Variants in TUT4 observed in about 807,000 individuals in gnomAD.
The protein encoded by TUT4 is terminal uridylyl transferase 4.
TUT4 carries 36 observed loss-of-function variants against 192.2 expected under a neutral mutation model. The observed-to-expected ratio is 0.19, with a 90% CI of 0.14 to 0.25. The LOEUF (loss-of-function observed/expected upper bound fraction) is 0.25, where lower values mean the gene tolerates loss of function less well. Ranked by LOEUF, TUT4 falls within the 10% of genes least tolerant of loss-of-function variation. TUT4 has a pLI of 1.00. For missense variants in TUT4, 1,493 were observed against 1,957.2 expected, an observed-to-expected ratio of 0.76 and a Z score of 4.47; for synonymous variants, 618 against 666.0, an observed-to-expected ratio of 0.93 and a Z score of 1.11.
In TUT4 at chr1:52,475,421, T is replaced by G. The variant is rs750684093; in HGVS notation, c.2138A>C (p.Lys713Thr). 2 of 1,614,142 alleles carry G rather than the reference T, an allele frequency of 1.2e-6. No individual in the cohort carries two copies. The highest frequency in any genetic ancestry group is 1.7e-6 in the Non-Finnish European group (2 of 1,180,052). Residue 713 changes from lysine (K) to threonine (T), a missense_variant, in exon 13 of 30, where the codon AAG (lysine) becomes ACG (threonine). Lys to Thr is a moderately conservative substitution (Grantham distance 78). Transcript: ENST00000257177. ...AYRYFACPQTKGGNKSTVDFK... is the reference protein window; with the variant it reads ...AYRYFACPQTTGGNKSTVDFK... ...ATCCACTGTAGACTTATTTCCACCC[T>G]TCGTCTGAGGACAGGCAAAATACCG...
At chr1:52,525,015 C>T (rs1189116735) in intron 2 of TUT4, among the ~76,000 whole-genome samples, 1 of 152,112 alleles carries the variant, frequency 6.6e-6, no homozygotes, top group African/African-American at 2.4e-5. Flanking sequence ...TTTGTCTGCC[C>T]AAAGTCTAAA....
intron 1 of TUT4, among the ~76,000 whole-genome samples, chr1:52,548,358 A>C (rs185830968): frequency 6.6e-6 from 1 of 152,222 alleles, no homozygotes; most frequent in Non-Finnish European, 1.5e-5. Context: ...GTCATTCTCT[A>C]TAATTCATAC....
At chr1:52,497,456 T>G (rs1672739583) in intron 4 of TUT4, among the ~76,000 whole-genome samples, 1 of 152,200 alleles carries the variant, frequency 6.6e-6, no homozygotes, top group African/African-American at 2.4e-5. Context: ...AATGCTACAT[T>G]AAAGCCAAGG....
At chr1:52,439,635 T>C (rs983952437) in intron 24 of TUT4, among the ~76,000 whole-genome samples, 1 of 152,110 alleles carries the variant, frequency 6.6e-6, no homozygotes, top group Non-Finnish European at 1.5e-5. Context: ...ATAACAAGTA[T>C]TGGTGAGGAT....
chr1:52,544,192 G>A (rs1348149893), intron 1 of TUT4, among the ~76,000 whole-genome samples: 3 of 151,978 alleles, frequency 2.0e-5, no homozygotes, highest in Admixed American at 2.0e-4. Flanking sequence ...GGAGGCTGAG[G>A]CAGGAGAATG....
chr1:52,544,681 G>C (rs1486722771), intron 1 of TUT4, among the ~76,000 whole-genome samples: 3 of 152,116 alleles, frequency 2.0e-5, no homozygotes, highest in African/African-American at 7.2e-5. Flanking sequence ...CAAAGGCACG[G>C]GCAACAAAAG....
chr1:52,459,724 T>C (rs1420212297), intron 19 of TUT4, among the ~76,000 whole-genome samples: 1 of 151,776 alleles, frequency 6.6e-6, no homozygotes, highest in East Asian at 1.9e-4. Context: ...CTGCCAAAAA[T>C]ACAAAAATTA....
At chr1:52,516,164 A>G in intron 2 of TUT4, 110 bp from the exon 3 acceptor site, 2 of 896,022 alleles carry the variant, frequency 2.2e-6, no homozygotes, top group South Asian at 3.7e-5. Flanking sequence ...ATTTCCTTAT[A>G]TTTTCCTTAG....
At chr1:52,454,751 A>G (rs1421162647) in intron 20 of TUT4, among the ~76,000 whole-genome samples, 2 of 152,238 alleles carry the variant, frequency 1.3e-5, no homozygotes, top group East Asian at 3.8e-4. Flanking sequence ...TCTGCTCTGC[A>G]AAAGACAACG....
At chr1:52,504,351 G>A (rs958897907) in intron 4 of TUT4, among the ~76,000 whole-genome samples, 4 of 152,126 alleles carry the variant, frequency 2.6e-5, no homozygotes, top group Non-Finnish European at 4.4e-5. Flanking sequence ...ACATGTTATG[G>A]CCAGGTGCAC....
chr1:52,539,511 G>C (rs1008277112), intron 1 of TUT4, among the ~76,000 whole-genome samples: 1 of 152,166 alleles, frequency 6.6e-6, no homozygotes, highest in Non-Finnish European at 1.5e-5. Flanking sequence ...ACAGGTATGG[G>C]GGGGAAAGCA....
chr1:52,507,974 C>A (rs1324390606), intron 4 of TUT4, among the ~76,000 whole-genome samples: 2 of 152,050 alleles, frequency 1.3e-5, no homozygotes, highest in Admixed American at 1.3e-4. Context: ...CCATGCCCAG[C>A]TAATTTTTAT....
At chr1:52,522,417 C>T (rs1165641287) in intron 2 of TUT4, among the ~76,000 whole-genome samples, 6 of 152,194 alleles carry the variant, frequency 3.9e-5, no homozygotes, top group Non-Finnish European at 7.4e-5. Context: ...ACATGAAACC[C>T]TCTACTGGAT....
At chr1:52,462,802 G>T (rs900358788) in intron 16 of TUT4, 23 of 985,160 alleles carry the variant, frequency 2.3e-5, no homozygotes, top group Non-Finnish European at 2.8e-5. Context: ...GTAAAAACCA[G>T]AGACAGCAGA....
chr1:52,466,042 G>C (rs1451716854), intron 15 of TUT4, among the ~76,000 whole-genome samples: 1 of 151,960 alleles, frequency 6.6e-6, no homozygotes, highest in Admixed American at 6.6e-5. Flanking sequence ...CACTGGGCCT[G>C]GCTCTTCCTA....
Position 52,423,764 on chromosome 1 carries a change from G to A in TUT4, c.*171C>T. On this transcript the variant is annotated 3_prime_UTR_variant, in exon 30 of 30. Coordinates refer to ENST00000257177, the MANE Select transcript of TUT4 (RefSeq NM_001009881.3). ...AAAAACAGTCTTAGAATTTAAATAA[G>A]CTATCTAAACGTGTTAAAATTTTAA... 6.9e-7 allele frequency: 1 copy of A among 1,439,940 alleles called. No individual in the cohort carries two copies. Among genetic ancestry groups the A allele is most frequent in the Non-Finnish European group, 9.4e-7 (1 of 1,061,164 alleles). The allele number at this position is 1,439,940 out of a possible 1,614,324, so 89.2% of individuals were successfully genotyped here.
intron 16 of TUT4, chr1:52,462,583 A>T: frequency 6.4e-6 from 2 of 311,684 alleles, no homozygotes; most frequent in Non-Finnish European, 9.3e-6. Context: ...AGATAATCAT[A>T]AACTCCTGTC....
At chr1:52,551,201 A>T (rs1236655665) in intron 1 of TUT4, among the ~76,000 whole-genome samples, 1 of 152,240 alleles carries the variant, frequency 6.6e-6, no homozygotes, top group Non-Finnish European at 1.5e-5. Context: ...TTGTTAATTT[A>T]TCTGTACTAA....
chr1:52,470,462 T>G (rs1227297428), intron 14 of TUT4, among the ~76,000 whole-genome samples: 1 of 152,060 alleles, frequency 6.6e-6, no homozygotes, highest in Non-Finnish European at 1.5e-5. Context: ...CATATGTCCA[T>G]ACCCAGACCC....
Sources: allele counts gnomAD v4.1 joint callset (sites outside exome capture counted in the v4.1 genomes callset), GRCh38; gene constraint gnomAD v4.1.1; transcripts MANE v1.5; gene names NCBI Gene and HGNC (gene_info 2026-07-23, HGNC 2026-07-21).